The following SP100 variants were observed in gnomAD, a reference collection of about 807,000 sequenced individuals.
SP100 encodes the protein nuclear autoantigen Sp-100.
A neutral mutation model predicts 130.0 loss-of-function variants in SP100; 84 were observed. That is an observed-to-expected ratio of 0.65 (90% CI 0.54 to 0.77). SP100 has a LOEUF of 0.77. Among genes scored for constraint, SP100 ranks in the 30% least tolerant of loss-of-function variants. The pLI is 0.00. For synonymous variants in SP100, 331 were observed against 351.7 expected, an observed-to-expected ratio of 0.94 and a Z score of 0.66; for missense variants, 978 against 1,052.2, an observed-to-expected ratio of 0.93 and a Z score of 0.97.
chr2:230,507,542 A>G (rs942898950), intron 22 of SP100, among the ~76,000 whole-genome samples: 5 of 152,186 alleles, frequency 3.3e-5, no homozygotes, highest in African/African-American at 4.8e-5. Context: ...CACGGTGTCA[A>G]TGTTCTCACA....
At chr2:230,514,526 T>A (rs896460736) in intron 24 of SP100, among the ~76,000 whole-genome samples, 13 of 152,212 alleles carry the variant, frequency 8.5e-5, no homozygotes, top group Non-Finnish European at 1.8e-4. Flanking sequence ...TAATAACAAC[T>A]ATGCTATAAT....
chr2:230,416,447 T>C (rs1441803532), intron 1 of SP100, 119 bp downstream of exon 1: 3 of 826,112 alleles, frequency 3.6e-6, no homozygotes, highest in Admixed American at 2.7e-5. Context: ...AACATAGGTA[T>C]GCGATGTTAT....
Position 230,492,024 on chromosome 2 carries a change from T to C in SP100, c.1601-2392T>C, listed in dbSNP as rs114605481. 4.9e-3 allele frequency among the ~76,000 whole-genome samples: 750 copies of C among 152,294 alleles called. 5 individuals are homozygous for C. The highest frequency in any genetic ancestry group is 0.017 in the African/African-American group (710 of 41,558). On this transcript the variant is annotated intron_variant, in intron 17 of 28. Coordinates refer to ENST00000340126, the MANE Select transcript of SP100 (RefSeq NM_001080391.2). The stretch of plus-strand genomic sequence containing the variant: ...CTAGTGATTACTTTTAGGATTACCT[T>C]TATATGATTCCTTTGGTGCTCTATT...
chr2:230,537,559 A>G (rs1000242006), intron 24 of SP100: 1 of 152,114 alleles, frequency 6.6e-6, no homozygotes, highest in Non-Finnish European at 1.5e-5. Context: ...GGAAGTCCTC[A>G]CCCCTTTTCA....
intron 23 of SP100, chr2:230,509,002 ATTTT>A (rs1445693717): frequency 6.6e-6 from 1 of 151,908 alleles, no homozygotes; most frequent in Non-Finnish European, 1.5e-5. Flanking sequence ...TCAGGTGAAA[ATTTT>A]GGACTGGGAG....
chr2:230,446,778 C>CT lies in SP100; in HGVS notation c.440-40dup, dbSNP rs778285853. 5.6e-6 allele frequency: 7 copies of CT among 1,253,468 alleles called. No homozygotes were observed. In the African/African-American group the frequency reaches 1.0e-4, roughly 19 times the overall value. 77.6% of individuals were successfully genotyped at this position (1,253,468 alleles called of 1,614,324 possible). ...GATTTCCAGACATTGTCCCTGGTCC[C>CT]TGTAGATCTCTAATTGCTTCTTCTC... On this transcript the variant is annotated intron_variant, in intron 4 of 28. Transcript: ENST00000340126.
At chr2:230,528,387 A>C (rs1325118073) in intron 24 of SP100, among the ~76,000 whole-genome samples, 4 of 152,240 alleles carry the variant, frequency 2.6e-5, no homozygotes, top group Non-Finnish European at 5.9e-5. Flanking sequence ...AATGAGAACA[A>C]ATACACAGTG....
intron 24 of SP100, among the ~76,000 whole-genome samples, chr2:230,533,933 A>G (rs1691815548): frequency 1.3e-5 from 2 of 152,234 alleles, no homozygotes; most frequent in Admixed American, 1.3e-4. Context: ...AATACACTAT[A>G]CAAAGGTGAA....
intron 22 of SP100, 142 bp downstream of exon 22, chr2:230,506,587 T>A: frequency 1.3e-6 from 1 of 745,224 alleles, no homozygotes; most frequent in Non-Finnish European, 2.2e-6. Context: ...ATTACTAACG[T>A]TCTCACCTGA....
chr2:230,450,057 A>C, intron 7 of SP100, 115 bp from the exon 8 acceptor site: 2 of 717,048 alleles, frequency 2.8e-6, no homozygotes. Flanking sequence ...ATATGCAGAC[A>C]GGGGTATAAG....
intron 5 of SP100, among the ~76,000 whole-genome samples, chr2:230,448,166 C>T (rs2063792665): frequency 6.6e-6 from 1 of 151,894 alleles, no homozygotes; most frequent in South Asian, 2.1e-4. Context: ...GGATGTTGTT[C>T]AAGAGCAGGA....
chr2:230,475,379 T>C (rs1006702149), intron 17 of SP100, among the ~76,000 whole-genome samples: 1 of 152,194 alleles, frequency 6.6e-6, no homozygotes, highest in Admixed American at 6.5e-5. Flanking sequence ...CATTTTTTAA[T>C]TGGATTTTGT....
intron 2 of SP100, among the ~76,000 whole-genome samples, chr2:230,437,497 T>A (rs1204316818): frequency 6.6e-6 from 1 of 152,188 alleles, no homozygotes; most frequent in Admixed American, 6.5e-5. Flanking sequence ...TGCTGAATAT[T>A]GATATATATT....
intron 1 of SP100, chr2:230,416,804 C>T (rs973626804): frequency 2.0e-6 from 2 of 985,712 alleles, no homozygotes; most frequent in African/African-American, 1.7e-5. Flanking sequence ...GCCGGCTGTT[C>T]CCATGACTGG....
At chr2:230,454,164 ATTCAT>A (rs767948777) in intron 8 of SP100, among the ~76,000 whole-genome samples, 61 of 152,122 alleles carry the variant, frequency 4.0e-4, no homozygotes, top group South Asian at 1.2e-3. Context: ...TTCTGATTTT[ATTCAT>A]TTGAGTGTTT....
chr2:230,443,124 A>G (rs779393519), intron 3 of SP100, 25 bp downstream of exon 3: 74 of 1,611,054 alleles, frequency 4.6e-5, no homozygotes, highest in Non-Finnish European at 5.9e-5. Flanking sequence ...TTATGTCACA[A>G]TCTGGTAAAG....
intron 16 of SP100, 111 bp from the exon 17 acceptor site, chr2:230,474,283 A>C (rs1293413776): frequency 3.0e-6 from 2 of 659,864 alleles, no homozygotes; most frequent in Non-Finnish European, 5.4e-6. Context: ...GATAAATTAT[A>C]CTCAGAATAT....
chr2:230,435,929 A>G (rs1458379842), intron 2 of SP100, among the ~76,000 whole-genome samples: 3 of 149,146 alleles, frequency 2.0e-5, no homozygotes, highest in African/African-American at 5.0e-5. Context: ...AGCCATAAAA[A>G]AGGAATGAGA....
intron 21 of SP100, among the ~76,000 whole-genome samples, chr2:230,505,495 G>A (rs919415475): frequency 6.6e-6 from 1 of 152,020 alleles, no homozygotes; most frequent in Non-Finnish European, 1.5e-5. Flanking sequence ...CCAGGTGCTC[G>A]GTCTCTCTAA....
Sources: gnomAD v4.1 joint callset for allele counts (sites outside exome capture counted in the v4.1 genomes callset) on GRCh38, gnomAD v4.1.1 for gene constraint, MANE v1.5 for transcripts, NCBI Gene and HGNC (gene_info 2026-07-23, HGNC 2026-07-21) for gene names.